Variants in FAM81A observed in about 807,000 individuals in gnomAD.
FAM81A encodes family with sequence similarity 81 member A, also known as protein FAM81A.
A neutral mutation model predicts 46.7 loss-of-function variants in FAM81A; 19 were observed. The ratio of observed to expected loss-of-function variants is 0.41; its 90% CI spans 0.28 to 0.60. The LOEUF (loss-of-function observed/expected upper bound fraction) is 0.60, where lower values mean the gene tolerates loss of function less well. Ranked by LOEUF, FAM81A falls within the 20% of genes least tolerant of loss-of-function variation. The pLI, the probability that FAM81A is intolerant of heterozygous loss-of-function variation, is 0.34. For missense variants in FAM81A, 377 were observed against 453.5 expected (o/e 0.83, Z 1.53); for synonymous variants, 183 against 152.9 (o/e 1.20, Z -1.45).
chr15:59,428,621 C>CTTTTTTTTTTT (rs1206186244), intron 2 of FAM81A, among the ~76,000 whole-genome samples: 1 of 70,232 alleles, frequency 1.4e-5, no homozygotes, highest in Non-Finnish European at 2.9e-5. Flanking sequence ...ATGTCTACTC[C>CTTTTTTTTTTT]TTTTTTTTTT....
At chr15:59,431,832 T>A (rs1171947128) in intron 2 of FAM81A, among the ~76,000 whole-genome samples, 1 of 152,194 alleles carries the variant, frequency 6.6e-6, no homozygotes, top group Non-Finnish European at 1.5e-5. Context: ...AAAAGCTGTT[T>A]CCTGAGTCTA....
chr15:59,455,471 T>C (rs1442431481), intron 1 of FAM81A, among the ~76,000 whole-genome samples: 1 of 152,186 alleles, frequency 6.6e-6, no homozygotes, highest in African/African-American at 2.4e-5. Flanking sequence ...CGGGAAGATC[T>C]GGAAACAATG....
At chr15:59,404,277 G>A (rs940471276) in intron 2 of FAM81A, among the ~76,000 whole-genome samples, 5 of 152,004 alleles carry the variant, frequency 3.3e-5, no homozygotes, top group Non-Finnish European at 4.4e-5. Context: ...GGCCTAAGTG[G>A]GAAAGAGAAG....
intron 2 of FAM81A, among the ~76,000 whole-genome samples, chr15:59,417,454 C>T: frequency 6.6e-6 from 1 of 151,976 alleles, no homozygotes; most frequent in Admixed American, 6.6e-5. Flanking sequence ...ACCTGTAATC[C>T]CAGCACTTTG....
At chr15:59,404,188 G>T (rs1335548643) in intron 2 of FAM81A, among the ~76,000 whole-genome samples, 1 of 151,662 alleles carries the variant, frequency 6.6e-6, no homozygotes, top group Non-Finnish European at 1.5e-5. Flanking sequence ...GGCCTGAATT[G>T]TTTCTAAAGG....
chr15:59,463,034 A>T (rs527872277), intron 3 of FAM81A, among the ~76,000 whole-genome samples: 6 of 152,166 alleles, frequency 3.9e-5, no homozygotes, highest in African/African-American at 1.4e-4. Flanking sequence ...TCTAATATCA[A>T]TTTTTTTCTT....
At chr15:59,411,368 TATGC>T (rs1339489012) in intron 2 of FAM81A, among the ~76,000 whole-genome samples, 1 of 152,076 alleles carries the variant, frequency 6.6e-6, no homozygotes, top group Non-Finnish European at 1.5e-5. Flanking sequence ...AAGAGGTATA[TATGC>T]ATCTTCCAAT....
chr15:59,507,618 A>C (rs1443620090), intron 5 of FAM81A, among the ~76,000 whole-genome samples: 1 of 152,216 alleles, frequency 6.6e-6, no homozygotes, highest in East Asian at 1.9e-4. Context: ...CAGAAATTCT[A>C]AATGACACCT....
intron 4 of FAM81A, among the ~76,000 whole-genome samples, chr15:59,493,305 G>C (rs2082000843): frequency 6.6e-6 from 1 of 152,072 alleles, no homozygotes; most frequent in Admixed American, 6.6e-5. Context: ...GAGTCTGCTG[G>C]GTAAAGATCT....
chr15:59,456,876 A>G (rs1280255825), intron 1 of FAM81A, among the ~76,000 whole-genome samples: 1 of 152,208 alleles, frequency 6.6e-6, no homozygotes, highest in Non-Finnish European at 1.5e-5. Context: ...GGCATGAGCC[A>G]CAACCCATTG....
chr15:59,437,871 G>A (rs967677477), upstream of FAM81A, among the ~76,000 whole-genome samples: 8 of 152,130 alleles, frequency 5.3e-5, no homozygotes, highest in Non-Finnish European at 1.2e-4. Flanking sequence ...TTTCCAATGA[G>A]CGAAATCCCC....
At chr15:59,467,802 T>C (rs1307608063) in intron 3 of FAM81A, among the ~76,000 whole-genome samples, 3 of 152,184 alleles carry the variant, frequency 2.0e-5, no homozygotes, top group African/African-American at 7.2e-5. Flanking sequence ...TCAAAGGAAA[T>C]CCTTCCAGTT....
intron 4 of FAM81A, among the ~76,000 whole-genome samples, chr15:59,502,784 G>T (rs2082108527): frequency 6.6e-6 from 1 of 151,754 alleles, no homozygotes; most frequent in Non-Finnish European, 1.5e-5. Context: ...GCCTTCCAAA[G>T]TGCTGGGATT....
At chr15:59,518,947 G>GTC (rs750038672) in intron 8 of FAM81A, among the ~76,000 whole-genome samples, 1 of 130,068 alleles carries the variant, frequency 7.7e-6, no homozygotes, top group African/African-American at 2.8e-5. Context: ...GTGTGTCTGT[G>GTC]TGTGTGTGTG....
intron 1 of FAM81A, chr15:59,401,687 A>G: frequency 1.3e-6 from 1 of 791,314 alleles, no homozygotes; most frequent in Non-Finnish European, 2.3e-6. Context: ...CTGTTTGATC[A>G]TACTGGAAAG....
chr15:59,490,000 G>A (rs2081964540), intron 3 of FAM81A, among the ~76,000 whole-genome samples: 1 of 151,974 alleles, frequency 6.6e-6, no homozygotes, highest in Non-Finnish European at 1.5e-5. Flanking sequence ...ATTAAACCCA[G>A]TATACAATAG....
Position 59,521,395 on chromosome 15 carries a change from G to C in FAM81A, c.*17G>C. On this transcript the variant is annotated 3_prime_UTR_variant, in exon 9 of 9. Transcript: ENST00000288228. ...CCCATGTGAAGGGAGCTGGGACAAG[G>C]TCCTAAAAGACAGTTTTGCCAGTGG... The C allele has an allele frequency of 6.3e-7, 1 of 1,591,016 alleles. No homozygotes were observed.
At chr15:59,514,534 C>T in intron 7 of FAM81A, 110 bp downstream of exon 7, 2 of 1,364,666 alleles carry the variant, frequency 1.5e-6, no homozygotes, top group Non-Finnish European at 2.0e-6. Flanking sequence ...TCAATTGTTT[C>T]TTGCCTTAAA....
intron 1 of FAM81A, among the ~76,000 whole-genome samples, chr15:59,449,463 T>C (rs1322170493): frequency 1.3e-5 from 2 of 152,212 alleles, no homozygotes; most frequent in Non-Finnish European, 1.5e-5. Context: ...TGGCATATTA[T>C]TTGGCATGTT....
Sources: allele counts gnomAD v4.1 joint callset (sites outside exome capture counted in the v4.1 genomes callset), GRCh38; gene constraint gnomAD v4.1.1; transcripts MANE v1.5; gene names NCBI Gene and HGNC (gene_info 2026-07-23, HGNC 2026-07-21).